ZNF548: variants seen among roughly 807,000 people sequenced by gnomAD.
The protein encoded by ZNF548 is zinc finger protein 548.
ZNF548 carries 10 observed loss-of-function variants against 10.2 expected under a neutral mutation model. That is an observed-to-expected ratio of 0.98 (90% CI 0.60 to 1.66). The LOEUF (loss-of-function observed/expected upper bound fraction) is 1.66, where lower values mean the gene tolerates loss of function less well. Ranked by LOEUF, ZNF548 falls within the 40% of genes most tolerant of loss-of-function variation. The pLI, the probability that ZNF548 is intolerant of heterozygous loss-of-function variation, is 0.00. For synonymous variants in ZNF548, 217 were observed against 223.5 expected (o/e 0.97, Z 0.26); for missense variants, 599 against 657.0 (o/e 0.91, Z 0.97).
chr19:57,397,416 T>G (rs1314391431), intron 3 of ZNF548: 1 of 503,712 alleles, frequency 2.0e-6, no homozygotes, highest in Non-Finnish European at 3.3e-6. Context: ...ATGTTGAATT[T>G]GGCATAGAGA....
At position 57,399,691 on chromosome 19, in the gene ZNF548, G is replaced by T. The variant is rs1218402332; in HGVS notation, c.1440G>T (p.Gln480His). The T allele has an allele frequency of 6.2e-7, 1 of 1,613,988 alleles. No individual in the cohort carries two copies. Among genetic ancestry groups the T allele is most frequent in the Non-Finnish European group, 8.5e-7 (1 of 1,179,954 alleles). ...ACAAGCATATACTTGTTGAGCACCAGAAAATCCACAGTGGAGAAAGACCTT... is the reference window on the plus strand; with the variant it reads ...ACAAGCATATACTTGTTGAGCACCATAAAATCCACAGTGGAGAAAGACCTT... The part of the protein sequence containing the change: ...FSHKHILVEH[Q>H]KIHSGERPYE... The change falls in exon 4 of 4, where the codon CAG becomes CAT. Residue 480 changes from glutamine to histidine, a missense_variant. Gln to His is a conservative substitution (Grantham distance 24). Coordinates refer to ENST00000336128, the MANE Select transcript of ZNF548 (RefSeq NM_001172773.2). The surrounding 1 kb of genome is among the most constrained non-coding windows in gnomAD (Gnocchi z 4.0).
chr19:57,393,358 T>G (rs2088640232), intron 1 of ZNF548, among the ~76,000 whole-genome samples: 1 of 151,918 alleles, frequency 6.6e-6, no homozygotes, highest in Non-Finnish European at 1.5e-5. Flanking sequence ...GTGAAGTCAT[T>G]ATGTTAAATT....
At position 57,395,286 on chromosome 19, in the gene ZNF548, G is replaced by A. The variant is rs2088656799; in HGVS notation, c.51+1063G>A. On this transcript the variant is annotated intron_variant, in intron 2 of 3. Coordinates refer to ENST00000336128, the MANE Select transcript of ZNF548 (RefSeq NM_001172773.2). This position sits in a 1 kb window ranked among gnomAD's most constrained non-coding sequence, Gnocchi z 4.8. ...AGGAGTGAGAAAGACTTCTGAAGGA[G>A]AGTGGACATGATGGGGTTGCTGAGG... Among the ~76,000 whole-genome samples the A allele has an allele frequency of 6.6e-6, 1 of 152,126 alleles. No individual in the cohort carries two copies. The highest frequency in any genetic ancestry group is 1.9e-4 in the East Asian group (1 of 5,190).
intron 2 of ZNF548, among the ~76,000 whole-genome samples, chr19:57,394,831 A>C (rs909493553): frequency 6.6e-6 from 1 of 152,128 alleles, no homozygotes; most frequent in African/African-American, 2.4e-5. Context: ...TTTATGATAC[A>C]GAGAGTGAGG....
chr19:57,394,841 G>T (rs370706084), intron 2 of ZNF548, among the ~76,000 whole-genome samples: 23 of 152,152 alleles, frequency 1.5e-4, no homozygotes, highest in African/African-American at 5.6e-4. Flanking sequence ...AGAGAGTGAG[G>T]CAGCTGGGGA....
At chr19:57,390,236 C>A in intron 1 of ZNF548, 122 bp downstream of exon 1, 1 of 1,134,356 alleles carries the variant, frequency 8.8e-7, no homozygotes, top group Non-Finnish European at 1.2e-6. Flanking sequence ...GTGGGGTCCC[C>A]GTATCAGCCG....
chr19:57,393,868 A>T (rs904243913), intron 1 of ZNF548, among the ~76,000 whole-genome samples: 1 of 152,186 alleles, frequency 6.6e-6, no homozygotes, highest in Non-Finnish European at 1.5e-5. Flanking sequence ...TTTCATTTGC[A>T]TTGAACTCAT....
chr19:57,393,543 C>G (rs913315655), intron 1 of ZNF548, among the ~76,000 whole-genome samples: 1 of 151,488 alleles, frequency 6.6e-6, no homozygotes, highest in African/African-American at 2.4e-5. Context: ...GCCTGTAATC[C>G]CAGCTTCTCA....
At chr19:57,394,068 C>T in intron 1 of ZNF548, 120 bp from the exon 2 acceptor site, 1 of 1,114,674 alleles carries the variant, frequency 9.0e-7, no homozygotes, top group Non-Finnish European at 1.3e-6. Flanking sequence ...GCCTGAGGAA[C>T]TTTATTCAAT....
intron 3 of ZNF548, 40 bp from the exon 4 acceptor site, chr19:57,398,390 A>G: frequency 6.3e-7 from 1 of 1,597,044 alleles, no homozygotes; most frequent in Non-Finnish European, 8.6e-7. Context: ...TCCTCCCACC[A>G]GAGTCAACAT....
In ZNF548 at chr19:57,399,820, G is replaced by T. The variant is rs774346824; in HGVS notation, c.1569G>T (p.Gly523=). 6.2e-7 allele frequency: 1 copy of T among 1,613,654 alleles called. No homozygotes were observed. The highest frequency in any genetic ancestry group is 1.1e-5 in the South Asian group (1 of 91,056). The change falls in exon 4 of 4, where the codon GGG becomes GGT. Residue 523 remains glycine, a synonymous_variant. Transcript: ENST00000336128. The surrounding 1 kb of genome is among the most constrained non-coding windows in gnomAD (Gnocchi z 4.0). ...EERLVCSMNV[G]NSLAKTPTSL... The stretch of plus-strand genomic sequence containing the variant: ...GGCTTGTGTGCTCCATGAATGTGGG[G>T]AATTCTTTAGCTAAAACTCCAACCT...
chr19:57,397,944 C>A (rs753465686), intron 3 of ZNF548, among the ~76,000 whole-genome samples: 24 of 152,312 alleles, frequency 1.6e-4, no homozygotes, highest in African/African-American at 4.3e-4. Flanking sequence ...ACCTCCAATG[C>A]CCCACAGTCT....
chr19:57,398,693 T>C lies in ZNF548; in HGVS notation c.442T>C (p.Trp148Arg). ...IGENLSRGDD[W>R]IPSFGKNHRV... is the part of the protein sequence containing the mutation. Reference sequence around the variant, plus strand: ...AGAAAATCTTTCCAGAGGGGATGATTGGATACCTTCATTTGGGAAGAACCA... The same window carrying C: ...AGAAAATCTTTCCAGAGGGGATGATCGGATACCTTCATTTGGGAAGAACCA... The change falls in exon 4 of 4, where the codon TGG becomes CGG. Residue 148 changes from tryptophan to arginine, a missense_variant. Trp to Arg is a moderately radical substitution (Grantham distance 101, BLOSUM62 -3). Coordinates refer to ENST00000336128, the MANE Select transcript of ZNF548 (RefSeq NM_001172773.2). The C allele has an allele frequency of 6.2e-7, 1 of 1,614,070 alleles. No homozygotes were observed. Among genetic ancestry groups the C allele is most frequent in the Non-Finnish European group, 8.5e-7 (1 of 1,179,924 alleles).
Position 57,399,353 on chromosome 19 carries a change from CAG to C in ZNF548, c.1106_1107del (p.Arg369AsnfsTer9), listed in dbSNP as rs1489326887. 3.1e-6 allele frequency: 5 copies of C among 1,613,414 alleles called. No homozygotes were observed. Among genetic ancestry groups the C allele is most frequent in the Non-Finnish European group, 4.2e-6 (5 of 1,179,836 alleles). Reference sequence around the variant, plus strand: ...GTATATCTCCACACTCATTAGACATCAGAGAATTCACACTGGAGAAAGGCCTT... The same window carrying C: ...GTATATCTCCACACTCATTAGACATCAGAATTCACACTGGAGAAAGGCCTT... ...FRYISTLIRH[Q>X]RIHTGERPYE... On this transcript the variant is annotated frameshift_variant, in exon 4 of 4. Coordinates refer to ENST00000336128, the MANE Select transcript of ZNF548 (RefSeq NM_001172773.2). LOFTEE classifies it low-confidence loss of function (END_TRUNC). This position sits in a 1 kb window ranked among gnomAD's most constrained non-coding sequence, Gnocchi z 4.0.
chr19:57,393,029 C>T (rs1296077927), intron 1 of ZNF548: 55 of 951,138 alleles, frequency 5.8e-5, no homozygotes, highest in Non-Finnish European at 6.9e-5. Context: ...ACCCTCAGGG[C>T]CACTCTCTGT....
At position 57,399,080 on chromosome 19, in the gene ZNF548, A is replaced by G. The variant is rs2123046105; in HGVS notation, c.829A>G (p.Asn277Asp). The G allele has an allele frequency of 1.2e-6, 2 of 1,614,274 alleles. No individual in the cohort carries two copies. The highest frequency in any genetic ancestry group is 1.7e-6 in the Non-Finnish European group (2 of 1,180,046). Residue 277 changes from asparagine (N) to aspartate (D), a missense_variant, in exon 4 of 4, where the codon AAC becomes GAC. Physicochemically the swap from Asn to Asp is conservative, Grantham distance 23. Transcript: ENST00000336128. The surrounding 1 kb of genome is among the most constrained non-coding windows in gnomAD (Gnocchi z 4.0). ...AGAATGTGGAAAATCCTTTATGTAC[A>G]ACTACCGACTCATGAGACATAAGCG... ...CRECGKSFMY[N>D]YRLMRHKRVH...
rs767310471 is a variant in ZNF548 at position 57,398,617 on chromosome 19, CAT to C, written c.373_374del (p.Ile125LeufsTer2). 6.5e-5 allele frequency: 105 copies of C among 1,613,922 alleles called. No individual in the cohort carries two copies. The highest frequency in any genetic ancestry group is 8.7e-5 in the Non-Finnish European group (103 of 1,179,910). ...ACAATGGAATTCATCCTGAGCAACACATATATATTTGTGAGGCAGAGCTTTTT... is the reference window on the plus strand; with the variant it reads ...ACAATGGAATTCATCCTGAGCAACACATATATTTGTGAGGCAGAGCTTTTT... The part of the protein sequence containing the change: ...EHNGIHPEQH[I>X]YICEAELFQH... On this transcript the variant is annotated frameshift_variant, in exon 4 of 4. Coordinates refer to ENST00000336128, the MANE Select transcript of ZNF548 (RefSeq NM_001172773.2). LOFTEE classifies it low-confidence loss of function (END_TRUNC).
At chr19:57,393,850 C>G (rs1404246596) in intron 1 of ZNF548, among the ~76,000 whole-genome samples, 2 of 152,080 alleles carry the variant, frequency 1.3e-5, no homozygotes, top group East Asian at 3.9e-4. Context: ...AATTTCAAAA[C>G]CCCACTCTTT....
Position 57,399,405 on chromosome 19 carries a change from T to G in ZNF548, c.1154T>G (p.Leu385Trp), listed in dbSNP as rs186466335. 2.5e-6 allele frequency: 4 copies of G among 1,613,140 alleles called. No individual in the cohort carries two copies. The highest frequency in any genetic ancestry group is 2.2e-5 in the East Asian group (1 of 44,808). The change falls in exon 4 of 4, where the codon TTG (leucine) becomes TGG (tryptophan). Residue 385 changes from leucine to tryptophan, a missense_variant. Coordinates refer to ENST00000336128, the MANE Select transcript of ZNF548 (RefSeq NM_001172773.2). This position sits in a 1 kb window ranked among gnomAD's most constrained non-coding sequence, Gnocchi z 4.0. ...RPYECSVCGE[L>W]FRYNSSLVKH... is the part of the protein sequence containing the mutation. ...TATGAGTGCAGTGTATGTGGGGAAT[T>G]GTTTAGGTACAACTCCAGCCTTGTT...
Sources: gnomAD v4.1 joint callset for allele counts (sites outside exome capture counted in the v4.1 genomes callset) on GRCh38, gnomAD v4.1.1 for gene constraint, Gnocchi (gnomAD v3.1) non-coding constraint, MANE v1.5 for transcripts, NCBI Gene and HGNC (gene_info 2026-07-23, HGNC 2026-07-21) for gene names.